CLUL1: variants seen among roughly 807,000 people sequenced by gnomAD.
CLUL1 encodes clusterin-like protein 1.
In CLUL1, 43 loss-of-function variants were observed where a neutral mutation model predicts 49.4. The observed-to-expected ratio is 0.87, with a 90% CI of 0.68 to 1.12. The LOEUF (loss-of-function observed/expected upper bound fraction) is 1.12. Ranked by LOEUF, CLUL1 falls within the 50% of genes most tolerant of loss-of-function variation. CLUL1 has a pLI of 0.00. For synonymous variants in CLUL1, 192 were observed against 184.9 expected, an observed-to-expected ratio of 1.04 and a Z score of -0.31; for missense variants, 486 against 544.4, an observed-to-expected ratio of 0.89 and a Z score of 1.07.
intron 2 of CLUL1, among the ~76,000 whole-genome samples, chr18:616,027 C>G (rs1298817199): frequency 6.6e-6 from 1 of 152,190 alleles, no homozygotes; most frequent in African/African-American, 2.4e-5. Flanking sequence ...ATTGGCTAGT[C>G]TCTCAAAACT....
intron 7 of CLUL1, among the ~76,000 whole-genome samples, chr18:635,978 T>C (rs1256940017): frequency 6.6e-6 from 1 of 152,046 alleles, no homozygotes; most frequent in Non-Finnish European, 1.5e-5. Flanking sequence ...CTCGTGATCC[T>C]CCCACCTCAG....
chr18:618,033 T>G lies in CLUL1; in HGVS notation c.33T>G (p.Cys11Trp). 1.2e-6 allele frequency: 2 copies of G among 1,614,178 alleles called. No individual in the cohort carries two copies. Among genetic ancestry groups the G allele is most frequent in the Non-Finnish European group, 1.7e-6 (2 of 1,180,014 alleles). The change falls in exon 3 of 10, where the codon TGT becomes TGG. Residue 11 changes from cysteine (C) to tryptophan (W), a missense_variant. Transcript: ENST00000692774. This position sits in a 1 kb window ranked among gnomAD's most constrained non-coding sequence, Gnocchi z 4.2. ...CGCCACTCTTGGTGTTTATTGTGTG[T>G]CTGCTGTGGTTGAAAGACAGTCACT... MKPPLLVFIV[C>W]LLWLKDSHCA...
intron 7 of CLUL1, among the ~76,000 whole-genome samples, chr18:639,067 T>G (rs749653476): frequency 3.3e-5 from 5 of 152,178 alleles, no homozygotes; most frequent in Non-Finnish European, 5.9e-5. Context: ...AATGCCGATA[T>G]CATACATAGC....
intron 9 of CLUL1, among the ~76,000 whole-genome samples, chr18:646,497 G>GACACAC (rs56076402): frequency 0.072 from 10,101 of 141,192 alleles, 391 homozygotes; most frequent in Non-Finnish European, 0.076. Context: ...CAGATAGATA[G>GACACAC]ACACACACAC....
rs530470942 is a variant in CLUL1, at chr18:606,967, C to A, written c.-135-11C>A. On this transcript the variant is annotated splice_polypyrimidine_tract_variant and intron_variant, in intron 1 of 9. Coordinates refer to ENST00000692774, the MANE Select transcript of CLUL1 (RefSeq NM_001393344.1). This position sits in a 1 kb window ranked among gnomAD's most constrained non-coding sequence, Gnocchi z 4.1. The stretch of plus-strand genomic sequence containing the variant: ...TAAAATTTCTTTTCTTTTTTCTTTT[C>A]TTTTCTTTAGAGTTGCGTCCCTCTC... 1.1e-4 allele frequency: 67 copies of A among 615,260 alleles called. 1 individual carries two copies. In the South Asian group the frequency reaches 1.2e-3, roughly 11 times the overall value. 38.1% of individuals were successfully genotyped at this position (615,260 alleles called of 1,614,324 possible).
At chr18:629,047 A>G (rs895418424) in intron 6 of CLUL1, among the ~76,000 whole-genome samples, 6 of 152,190 alleles carry the variant, frequency 3.9e-5, no homozygotes, top group Non-Finnish European at 8.8e-5. Context: ...GACATTACAT[A>G]ACTGGCCTCT....
At chr18:623,034 C>CTTTTT (rs112757495) in intron 4 of CLUL1, among the ~76,000 whole-genome samples, 1 of 143,532 alleles carries the variant, frequency 7.0e-6, no homozygotes. Context: ...GGAGAAACAA[C>CTTTTT]TTTTTTTTTT....
intron 2 of CLUL1, among the ~76,000 whole-genome samples, chr18:610,305 T>C (rs113820996): frequency 0.013 from 2,051 of 152,326 alleles, 57 homozygotes; most frequent in African/African-American, 0.047. Context: ...CTTCCATTCA[T>C]GTGGGCCTTT....
rs1418668462 is a variant in CLUL1, at chr18:627,524, A to G, written c.851A>G (p.Asp284Gly). 2 of 1,600,518 alleles carry G rather than the reference A, an allele frequency of 1.2e-6. No homozygotes were observed. The highest frequency in any genetic ancestry group is 4.5e-5 in the East Asian group (2 of 44,694). ...GCAATAGAAGATTTACCAAAACAAG[A>G]CAAAGGCAAGTATTAAAAGATTACT... ...LKAIEDLPKQDKAPDHGGLIS... is the reference protein window; with the variant it reads ...LKAIEDLPKQGKAPDHGGLIS... Residue 284 changes from aspartate (D) to glycine (G), a missense_variant, in exon 6 of 10, where the codon GAC becomes GGC. By Grantham distance (94) the Asp-to-Gly change is moderately conservative. Coordinates refer to ENST00000692774, the MANE Select transcript of CLUL1 (RefSeq NM_001393344.1).
chr18:600,729 T>C (rs1447173469), intron 1 of CLUL1, among the ~76,000 whole-genome samples: 2 of 152,224 alleles, frequency 1.3e-5, no homozygotes, highest in African/African-American at 4.8e-5. Context: ...ACTTCTTAAT[T>C]GGATAATCAG....
intron 1 of CLUL1, chr18:598,481 CCTCT>C (rs2072723319): frequency 2.5e-6 from 1 of 398,504 alleles, no homozygotes; most frequent in East Asian, 3.6e-5. Context: ...TGCCTGAGTT[CCTCT>C]CTAACATCCT....
intron 1 of CLUL1, among the ~76,000 whole-genome samples, chr18:605,935 G>C (rs188791110): frequency 6.6e-6 from 1 of 152,168 alleles, no homozygotes; most frequent in Non-Finnish European, 1.5e-5. Context: ...AAAGTGCTGG[G>C]ATTGCAGGCG....
At chr18:607,379 G>A (rs183679374) in intron 2 of CLUL1, among the ~76,000 whole-genome samples, 14 of 152,216 alleles carry the variant, frequency 9.2e-5, no homozygotes, top group African/African-American at 2.4e-4. Flanking sequence ...TCCACCCGGC[G>A]TGGCCTCCCA....
intron 6 of CLUL1, among the ~76,000 whole-genome samples, chr18:632,790 G>A (rs1255784122): frequency 6.6e-6 from 1 of 152,154 alleles, no homozygotes; most frequent in African/African-American, 2.4e-5. Flanking sequence ...GGATTCAAGA[G>A]TGTGCAATTT....
chr18:643,549 C>T (rs1052421468), intron 8 of CLUL1, among the ~76,000 whole-genome samples: 1 of 152,176 alleles, frequency 6.6e-6, no homozygotes, highest in Non-Finnish European at 1.5e-5. Flanking sequence ...GTTGTTTTTA[C>T]CATTGTCAGT....
At chr18:643,706 A>G (rs73943322) in intron 8 of CLUL1, among the ~76,000 whole-genome samples, 158 of 152,338 alleles carry the variant, frequency 1.0e-3, no homozygotes, top group African/African-American at 3.7e-3. Flanking sequence ...TCAATTATAC[A>G]TTTTTATAAC....
At chr18:619,429 C>T (rs1470949001) in intron 4 of CLUL1, 68 bp downstream of exon 4, 52 of 1,320,006 alleles carry the variant, frequency 3.9e-5, no homozygotes, top group East Asian at 5.2e-5. Flanking sequence ...CTTGTTAGTG[C>T]GATTGATGAA....
Position 627,240 on chromosome 18 carries a change from G to A in CLUL1, c.567G>A (p.Val189=). Residue 189 remains valine (V), a synonymous_variant, in exon 6 of 10, where the codon GTG becomes GTA. Transcript: ENST00000692774. The part of the protein sequence containing the change: ...QMEDVFSQLT[V]DVNSLFNRSF... ...AGGATGTGTTCAGCCAGTTGACTGT[G>A]GATGTGAATTCTCTCTTTAACAGGA... is the stretch of plus-strand genomic sequence containing the variant. The A allele has an allele frequency of 1.2e-6, 2 of 1,613,996 alleles. 1 individual carries two copies. The highest frequency in any genetic ancestry group is 1.7e-6 in the Non-Finnish European group (2 of 1,180,008).
chr18:646,971 G>A (rs1471656136), intron 9 of CLUL1, among the ~76,000 whole-genome samples: 1 of 151,868 alleles, frequency 6.6e-6, no homozygotes, highest in Non-Finnish European at 1.5e-5. Flanking sequence ...GGCTGGTCTT[G>A]AACTCCTGAC....
Sources: allele counts gnomAD v4.1 joint callset (sites outside exome capture counted in the v4.1 genomes callset), GRCh38; gene constraint gnomAD v4.1.1; non-coding constraint Gnocchi (gnomAD v3.1); transcripts MANE v1.5; gene names NCBI Gene and HGNC (gene_info 2026-07-23, HGNC 2026-07-21).